The following INPP4B variants were observed in gnomAD, a reference collection of about 807,000 sequenced individuals.
The protein encoded by INPP4B is inositol polyphosphate 4-phosphatase type II.
A neutral mutation model predicts 122.5 loss-of-function variants in INPP4B; 55 were observed. The ratio of observed to expected loss-of-function variants is 0.45; its 90% CI spans 0.36 to 0.56. INPP4B has a LOEUF of 0.56. Ranked by LOEUF, INPP4B falls within the 20% of genes least tolerant of loss-of-function variation. The pLI is 0.00. For synonymous variants in INPP4B, 403 were observed against 388.7 expected (o/e 1.04, Z -0.43); for missense variants, 1,000 against 1,097.7 (o/e 0.91, Z 1.26).
intron 25 of INPP4B, among the ~76,000 whole-genome samples, chr4:142,031,466 T>C (rs927030155): frequency 6.6e-6 from 1 of 152,210 alleles, no homozygotes; most frequent in African/African-American, 2.4e-5. Context: ...CAATATGAAT[T>C]AGTGTAAAAC....
chr4:142,051,629 TACACACATTTA>T (rs1754655877), intron 25 of INPP4B, among the ~76,000 whole-genome samples: 1 of 152,032 alleles, frequency 6.6e-6, no homozygotes, highest in African/African-American at 2.4e-5. Flanking sequence ...TTTCTCTTGG[TACACACATTTA>T]ACATCAGCGT....
chr4:142,716,659 T>G (rs1763813054), intron 2 of INPP4B, among the ~76,000 whole-genome samples: 1 of 152,236 alleles, frequency 6.6e-6, no homozygotes, highest in African/African-American at 2.4e-5. Flanking sequence ...AGGTAAAGTT[T>G]CCTAACAGGC....
intron 3 of INPP4B, among the ~76,000 whole-genome samples, chr4:142,445,458 G>T (rs1204561894): frequency 6.6e-6 from 1 of 152,104 alleles, no homozygotes; most frequent in East Asian, 1.9e-4. Flanking sequence ...TTCACATTAA[G>T]GAATACTAAC....
At chr4:142,051,292 A>G (rs1168166134) in intron 25 of INPP4B, among the ~76,000 whole-genome samples, 1 of 152,004 alleles carries the variant, frequency 6.6e-6, no homozygotes, top group Admixed American at 6.6e-5. Context: ...GCTAAAATTC[A>G]TAGTGCTTAA....
chr4:142,689,028 CT>C (rs146342654), intron 2 of INPP4B, among the ~76,000 whole-genome samples: 1,751 of 152,266 alleles, frequency 0.011, 30 homozygotes, highest in African/African-American at 0.032. Context: ...TTCTAACCCC[CT>C]ATCCACCAAA....
intron 2 of INPP4B, among the ~76,000 whole-genome samples, chr4:142,605,063 C>T (rs1740942053): frequency 6.6e-6 from 1 of 151,864 alleles, no homozygotes; most frequent in Non-Finnish European, 1.5e-5. Context: ...GAAATAAATC[C>T]ACATATTTAT....
intron 12 of INPP4B, among the ~76,000 whole-genome samples, chr4:142,218,341 T>C (rs1042548028): frequency 1.2e-4 from 18 of 152,226 alleles, no homozygotes; most frequent in Non-Finnish European, 2.1e-4. Flanking sequence ...GAAATCTCTT[T>C]AGTTCTGAGG....
chr4:142,520,155 G>A (rs547293301), intron 2 of INPP4B, among the ~76,000 whole-genome samples: 6 of 152,032 alleles, frequency 3.9e-5, no homozygotes, highest in African/African-American at 1.4e-4. Flanking sequence ...AGCTTTTAGA[G>A]CGGCATGAAT....
At chr4:142,812,966 T>C (rs1463310249) in intron 1 of INPP4B, among the ~76,000 whole-genome samples, 1 of 152,208 alleles carries the variant, frequency 6.6e-6, no homozygotes, top group African/African-American at 2.4e-5. Flanking sequence ...ATTGAATTTA[T>C]ATTCATAACA....
At chr4:142,641,967 G>C (rs921600298) in intron 2 of INPP4B, among the ~76,000 whole-genome samples, 7 of 152,212 alleles carry the variant, frequency 4.6e-5, no homozygotes, top group African/African-American at 1.7e-4. Flanking sequence ...ATTCTAACTG[G>C]TGTGAGATGA....
intron 15 of INPP4B, among the ~76,000 whole-genome samples, chr4:142,192,354 A>AAAAAAAAAAAT (rs148371542): frequency 2.7e-5 from 2 of 73,142 alleles, no homozygotes; most frequent in Admixed American, 4.0e-4. Flanking sequence ...AAAAAAAAAA[A>AAAAAAAAAAAT]TGGGATTCTT....
chr4:142,505,998 A>G (rs575654300), intron 2 of INPP4B, among the ~76,000 whole-genome samples: 1 of 152,310 alleles, frequency 6.6e-6, no homozygotes, highest in East Asian at 1.9e-4. Flanking sequence ...GTGCATTAAC[A>G]CTAAAATGTA....
At chr4:142,755,035 C>A (rs1048550210) in intron 1 of INPP4B, among the ~76,000 whole-genome samples, 1 of 151,980 alleles carries the variant, frequency 6.6e-6, no homozygotes, top group Non-Finnish European at 1.5e-5. Context: ...ATGTGGGTGA[C>A]TCTTGCACAC....
chr4:142,792,932 T>C (rs893402737), intron 1 of INPP4B, among the ~76,000 whole-genome samples: 2 of 152,040 alleles, frequency 1.3e-5, no homozygotes, highest in African/African-American at 4.8e-5. Context: ...TATACCCCAA[T>C]CTTGGCCCTG....
intron 18 of INPP4B, among the ~76,000 whole-genome samples, chr4:142,140,700 A>C (rs1579052502): frequency 6.6e-6 from 1 of 152,186 alleles, no homozygotes; most frequent in East Asian, 1.9e-4. Flanking sequence ...AAATTGGGAT[A>C]GATTGTTTTA....
At chr4:142,668,456 C>T (rs939373406) in intron 2 of INPP4B, among the ~76,000 whole-genome samples, 2 of 152,242 alleles carry the variant, frequency 1.3e-5, no homozygotes, top group East Asian at 3.9e-4. Context: ...GAAGGATGCT[C>T]ATATTTACTT....
At chr4:142,519,316 A>G (rs750347127) in intron 2 of INPP4B, among the ~76,000 whole-genome samples, 6 of 152,154 alleles carry the variant, frequency 3.9e-5, no homozygotes, top group Non-Finnish European at 8.8e-5. Context: ...TAAATATCAC[A>G]TGTTTAATCT....
chr4:142,563,684 C>G (rs1730945676), intron 2 of INPP4B, among the ~76,000 whole-genome samples: 1 of 152,136 alleles, frequency 6.6e-6, no homozygotes, highest in African/African-American at 2.4e-5. Flanking sequence ...CTTGCTTTGG[C>G]TAAAGAAAGT....
intron 2 of INPP4B, among the ~76,000 whole-genome samples, chr4:142,584,632 A>G (rs1170733777): frequency 1.3e-5 from 2 of 151,884 alleles, no homozygotes; most frequent in African/African-American, 2.4e-5. Flanking sequence ...TGTCAAAGGT[A>G]CATATTATCT....
Sources: allele counts gnomAD v4.1 joint callset (sites outside exome capture counted in the v4.1 genomes callset), GRCh38; gene constraint gnomAD v4.1.1; transcripts MANE v1.5; gene names NCBI Gene and HGNC (gene_info 2026-07-23, HGNC 2026-07-21).